Variants in RAB38 observed in about 807,000 individuals in gnomAD.
RAB38 encodes ras-related protein Rab-38.
A neutral mutation model predicts 18.4 loss-of-function variants in RAB38; 15 were observed. That is an observed-to-expected ratio of 0.82 (90% CI 0.55 to 1.26). The LOEUF is 1.26. Among genes scored for constraint, RAB38 ranks in the 50% most tolerant of loss-of-function variants. The pLI, the probability that RAB38 is intolerant of heterozygous loss-of-function variation, is 0.00. For synonymous variants in RAB38, 101 were observed against 104.4 expected, an observed-to-expected ratio of 0.97 and a Z score of 0.20; for missense variants, 294 against 267.4, an observed-to-expected ratio of 1.10 and a Z score of -0.69.
At chr11:88,015,040 C>G in the RAB38 span, among the ~76,000 whole-genome samples, 1 of 127,316 alleles carries the variant, frequency 7.9e-6, no homozygotes, top group Non-Finnish European at 1.6e-5. Context: ...CCAAACACAC[C>G]CAGTTGCCTG....
chr11:88,101,166 T>C, the RAB38 span, among the ~76,000 whole-genome samples: 81 of 152,074 alleles, frequency 5.3e-4, 1 homozygote, highest in South Asian at 3.9e-3. Context: ...GTAGGAGAGA[T>C]GGTCATAAAT....
the RAB38 span, among the ~76,000 whole-genome samples, chr11:88,050,335 A>G: frequency 0.016 from 2,365 of 152,334 alleles, 57 homozygotes; most frequent in African/African-American, 0.053. Flanking sequence ...TATTTATTCT[A>G]ACATTTTAAT....
At chr11:88,067,520 C>T in the RAB38 span, among the ~76,000 whole-genome samples, 2 of 152,138 alleles carry the variant, frequency 1.3e-5, no homozygotes, top group South Asian at 4.1e-4. Context: ...AGGAAAATAA[C>T]ATTGATTGGG....
chr11:88,067,984 T>TAG, the RAB38 span, among the ~76,000 whole-genome samples: 1 of 19,834 alleles, frequency 5.0e-5, no homozygotes, highest in Non-Finnish European at 8.9e-5. Flanking sequence ...TATATATACT[T>TAG]ATATATATAC....
chr11:88,070,178 C>T, the RAB38 span, among the ~76,000 whole-genome samples: 2 of 152,178 alleles, frequency 1.3e-5, no homozygotes, highest in African/African-American at 2.4e-5. Flanking sequence ...TCTGCAGCTT[C>T]ACTCCTGAGG....
chr11:88,098,928 AT>A, the RAB38 span, among the ~76,000 whole-genome samples: 4 of 151,558 alleles, frequency 2.6e-5, no homozygotes, highest in Admixed American at 6.6e-5. Flanking sequence ...ACTGAAAAAT[AT>A]TTTTTTGTTT....
At chr11:87,828,755 T>C in the RAB38 span, among the ~76,000 whole-genome samples, 7,440 of 152,266 alleles carry the variant, frequency 0.049, 238 homozygotes, top group African/African-American at 0.094. Context: ...CTGTAATTAC[T>C]TTTTTTCAAT....
At chr11:87,934,625 A>T in the RAB38 span, among the ~76,000 whole-genome samples, 1 of 152,070 alleles carries the variant, frequency 6.6e-6, no homozygotes, top group Non-Finnish European at 1.5e-5. Flanking sequence ...GTCTCAAAGG[A>T]AGTGAAGCTT....
At chr11:87,901,263 G>C in the RAB38 span, among the ~76,000 whole-genome samples, 3 of 151,476 alleles carry the variant, frequency 2.0e-5, no homozygotes, top group African/African-American at 7.3e-5. Context: ...TTTATCTTCT[G>C]TATCTGTGTT....
chr11:88,032,464 T>A, the RAB38 span, among the ~76,000 whole-genome samples: 1,281 of 151,598 alleles, frequency 8.4e-3, 18 homozygotes, highest in African/African-American at 0.03. Flanking sequence ...TGGGAGAAAA[T>A]TTTTGCAACC....
At chr11:87,807,981 C>A in the RAB38 span, among the ~76,000 whole-genome samples, 8 of 152,318 alleles carry the variant, frequency 5.3e-5, no homozygotes, top group South Asian at 1.7e-3. Context: ...ATTGGCAGAG[C>A]CAGTTGACAG....
At chr11:88,091,086 G>C in the RAB38 span, among the ~76,000 whole-genome samples, 1 of 151,946 alleles carries the variant, frequency 6.6e-6, no homozygotes, top group Admixed American at 6.6e-5. Context: ...CAGGAGAAGG[G>C]GTGACAAGGA....
chr11:88,034,253 G>A, the RAB38 span, among the ~76,000 whole-genome samples: 1 of 152,048 alleles, frequency 6.6e-6, no homozygotes, highest in Non-Finnish European at 1.5e-5. Context: ...TTAGCCATTT[G>A]CCCATTGACA....
At chr11:88,076,972 A>AGG in the RAB38 span, among the ~76,000 whole-genome samples, 1 of 77,178 alleles carries the variant, frequency 1.3e-5, no homozygotes, top group African/African-American at 5.8e-5. Flanking sequence ...AAAAAAAAAA[A>AGG]AAAGAAAGAA....
At chr11:87,860,692 T>C in the RAB38 span, among the ~76,000 whole-genome samples, 1 of 151,942 alleles carries the variant, frequency 6.6e-6, no homozygotes. Flanking sequence ...AGGGAAATAA[T>C]ACAAATGAAA....
At chr11:88,064,157 G>T in the RAB38 span, among the ~76,000 whole-genome samples, 1 of 152,150 alleles carries the variant, frequency 6.6e-6, no homozygotes. Flanking sequence ...TCACTATATG[G>T]GAGCTTGGGT....
chr11:87,840,971 G>T, the RAB38 span, among the ~76,000 whole-genome samples: 21 of 152,106 alleles, frequency 1.4e-4, no homozygotes, highest in African/African-American at 5.1e-4. Flanking sequence ...CTTGAAACCA[G>T]CCTGTCTAGG....
chr11:88,059,536 T>A, the RAB38 span, among the ~76,000 whole-genome samples: 92,560 of 151,648 alleles, frequency 0.61, 28,953 homozygotes, highest in Non-Finnish European at 0.68. Flanking sequence ...TGCTCCTTGT[T>A]AGAGGAAACT....
the RAB38 span, among the ~76,000 whole-genome samples, chr11:87,939,284 A>G: frequency 4.6e-5 from 7 of 152,196 alleles, no homozygotes; most frequent in African/African-American, 1.7e-4. Context: ...ATCCATTGAT[A>G]CATACACACA....
Sources: allele counts gnomAD v4.1 joint callset (sites outside exome capture counted in the v4.1 genomes callset), GRCh38; gene constraint gnomAD v4.1.1; transcripts MANE v1.5; gene names NCBI Gene and HGNC (gene_info 2026-07-23, HGNC 2026-07-21).